Variants in FOXF2 observed in about 807,000 individuals in gnomAD.
The protein encoded by FOXF2 is forkhead box protein F2.
FOXF2 carries 15 observed loss-of-function variants against 29.1 expected under a neutral mutation model. The observed-to-expected ratio is 0.52, with a 90% CI of 0.35 to 0.79. FOXF2 has a LOEUF of 0.79. Ranked by LOEUF, FOXF2 falls within the 30% of genes least tolerant of loss-of-function variation. The probability of loss-of-function intolerance (pLI) is 0.01; values close to 1 mark genes in which losing one functional copy is unlikely to be tolerated. For synonymous variants in FOXF2, 337 were observed against 316.5 expected (o/e 1.06, Z -0.69); for missense variants, 675 against 667.1 (o/e 1.01, Z -0.13).
In FOXF2 at chr6:1,394,849, G is replaced by A; in HGVS notation, c.1325G>A (p.Cys442Tyr). ...HQSVCQDIKP[C>Y]VM ...AGCGTCTGTCAGGATATTAAGCCCT[G>A]CGTCATGTGAACGGAAAGAGGCCAA... The change falls in exon 2 of 2, where the codon TGC (cysteine) becomes TAC (tyrosine). Residue 442 changes from cysteine to tyrosine, a missense_variant. By Grantham distance (194) the Cys-to-Tyr change is radical. Around this residue, in one of 3 missense-constraint regions of FOXF2, gnomAD observed 451 missense variants for 437.2 expected, o/e 1.03. Coordinates refer to ENST00000645481, the MANE Select transcript of FOXF2 (RefSeq NM_001452.2). 6.2e-7 allele frequency: 1 copy of A among 1,614,118 alleles called. No homozygotes were observed. The highest frequency in any genetic ancestry group is 8.5e-7 in the Non-Finnish European group (1 of 1,180,022).
At chr6:1,392,176 G>A (rs1014094717) in intron 1 of FOXF2, among the ~76,000 whole-genome samples, 1 of 152,094 alleles carries the variant, frequency 6.6e-6, no homozygotes, top group South Asian at 2.1e-4. Context: ...GGGAGCACCC[G>A]GGGAGAAGGA....
chr6:1,392,012 G>A (rs148444036), intron 1 of FOXF2, among the ~76,000 whole-genome samples: 1 of 152,284 alleles, frequency 6.6e-6, no homozygotes, highest in African/African-American at 2.4e-5. Context: ...TTAACCCCTC[G>A]CTCGGAGCAC....
intron 1 of FOXF2, among the ~76,000 whole-genome samples, chr6:1,392,850 C>A (rs1232406899): frequency 6.6e-6 from 1 of 152,246 alleles, no homozygotes; most frequent in African/African-American, 2.4e-5. Flanking sequence ...GGGAGCCTCG[C>A]AGAACCCCCG....
At chr6:1,394,018 C>A (rs1442909450) in intron 1 of FOXF2, among the ~76,000 whole-genome samples, 1 of 152,226 alleles carries the variant, frequency 6.6e-6, no homozygotes, top group Non-Finnish European at 1.5e-5. Context: ...ATGCTTCGGA[C>A]CAAAGGGCAT....
chr6:1,392,900 C>T (rs1049816010), intron 1 of FOXF2, among the ~76,000 whole-genome samples: 14 of 152,232 alleles, frequency 9.2e-5, no homozygotes, highest in African/African-American at 3.1e-4. Flanking sequence ...ATAGCTCGGG[C>T]CTGACGCCCG....
At position 1,390,058 on chromosome 6, in the gene FOXF2, C is replaced by T. The variant is rs1295428499; in HGVS notation, c.111C>T (p.Ala37=). The change falls in exon 1 of 2, where the codon GCC becomes GCT. Residue 37 remains alanine, a synonymous_variant. Transcript: ENST00000645481. This position sits in a 1 kb window ranked among gnomAD's most constrained non-coding sequence, Gnocchi z 8.5. ...GCCCGCCGCCCGCCGCCGCCGCCGC[C>T]GCCGCCGCCGCCCCGGAGACCACCT... The part of the protein sequence containing the change: ...LMSPPPAAAA[A]AAAAPETTSS... The T allele has an allele frequency of 1.4e-6, 2 of 1,391,334 alleles. No homozygotes were observed. The highest frequency in any genetic ancestry group is 1.5e-5 in the African/African-American group (1 of 66,342). The allele number at this position is 1,391,334 out of a possible 1,614,324, so 86.2% of individuals were successfully genotyped here. A position where few individuals can be genotyped will look rare whatever the true frequency, so the allele number is the denominator to read the frequency against.
At chr6:1,393,848 A>G (rs573775767) in intron 1 of FOXF2, among the ~76,000 whole-genome samples, 169 of 152,288 alleles carry the variant, frequency 1.1e-3, no homozygotes, top group African/African-American at 3.8e-3. Context: ...CCCCGGGGCC[A>G]GGAGGCGCCG....
At chr6:1,393,892 G>A (rs1296921673) in intron 1 of FOXF2, among the ~76,000 whole-genome samples, 1 of 152,188 alleles carries the variant, frequency 6.6e-6, no homozygotes, top group Non-Finnish European at 1.5e-5. Flanking sequence ...GGCGGGTGGA[G>A]GTCAAGCGGC....
At chr6:1,393,046 G>T (rs553123637) in intron 1 of FOXF2, among the ~76,000 whole-genome samples, 1 of 152,214 alleles carries the variant, frequency 6.6e-6, no homozygotes. Flanking sequence ...CCGGGACCCC[G>T]CGGGGCCTAG....
At chr6:1,392,624 C>T (rs1758812556) in intron 1 of FOXF2, among the ~76,000 whole-genome samples, 2 of 151,712 alleles carry the variant, frequency 1.3e-5, no homozygotes. Context: ...CTTGGAGAAA[C>T]CGTACTCTAG....
intron 1 of FOXF2, among the ~76,000 whole-genome samples, chr6:1,392,880 G>A (rs1054339120): frequency 3.9e-5 from 6 of 152,174 alleles, no homozygotes; most frequent in Non-Finnish European, 8.8e-5. Context: ...GGGAACGCCC[G>A]GGGGAGACAA....
At position 1,394,699 on chromosome 6, in the gene FOXF2, G is replaced by A. The variant is rs781108073; in HGVS notation, c.1175G>A (p.Gly392Glu). The A allele has an allele frequency of 1.2e-6, 2 of 1,614,018 alleles. No homozygotes were observed. The highest frequency in any genetic ancestry group is 1.7e-6 in the Non-Finnish European group (2 of 1,180,000). Residue 392 changes from glycine to glutamate, a missense_variant, in exon 2 of 2, where the codon GGA (glycine) becomes GAA (glutamate). Transcript: ENST00000645481. ...HQNAREDLSV[G>E]LPRYQHHSTP... ...TTTTTTTTCTTTCTTCTTTCAGTGG[G>A]ACTGCCCCGTTACCAGCATCACTCT...
rs1323084891 is a variant in FOXF2 at position 1,391,033 on chromosome 6, C to T, written c.1086C>T (p.Ala362=). 1 of 1,600,660 alleles carries T rather than the reference C, an allele frequency of 6.2e-7. No homozygotes were observed. ...PPALTPSSNP[A]ASAGLHSSMS... is the part of the protein sequence containing the mutation. Reference sequence around the variant, plus strand: ...CCCTGACGCCCAGCAGCAACCCCGCCGCCTCGGCAGGCCTGCACTCCAGCA... The same window carrying T: ...CCCTGACGCCCAGCAGCAACCCCGCTGCCTCGGCAGGCCTGCACTCCAGCA... Residue 362 remains alanine (A), a synonymous_variant, in exon 1 of 2, where the codon GCC becomes GCT. Transcript: ENST00000645481.
At chr6:1,394,670 AG>A in intron 1 of FOXF2, 25 bp from the exon 2 acceptor site, 1 of 1,611,852 alleles carries the variant, frequency 6.2e-7, no homozygotes, top group Non-Finnish European at 8.5e-7. Context: ...GTTTCTGAAG[AG>A]GTTTTTTTTT....
intron 1 of FOXF2, among the ~76,000 whole-genome samples, chr6:1,393,003 C>A (rs74816969): frequency 0.046 from 7,039 of 152,308 alleles, 292 homozygotes; most frequent in African/African-American, 0.1. Flanking sequence ...GGAGCGCCAG[C>A]GGTGGAGGCT....
In FOXF2 at chr6:1,395,018, T is replaced by C. The variant is rs1758876104; in HGVS notation, c.*159T>C. 2.8e-6 allele frequency: 2 copies of C among 716,364 alleles called. No homozygotes were observed. The highest frequency in any genetic ancestry group is 3.4e-5 in the South Asian group (2 of 57,992). 44.4% of individuals were successfully genotyped at this position (716,364 alleles called of 1,614,324 possible). ...CAGGATCGCGTTGGTCACTGTTATT[T>C]GCCTACTGCTGGAAGAAGGACAACC... On this transcript the variant is annotated 3_prime_UTR_variant, in exon 2 of 2. Coordinates refer to ENST00000645481, the MANE Select transcript of FOXF2 (RefSeq NM_001452.2).
chr6:1,390,939 C>A lies in FOXF2; in HGVS notation c.992C>A (p.Ser331Ter). 1.3e-6 allele frequency: 2 copies of A among 1,584,410 alleles called. No individual in the cohort carries two copies. The highest frequency in any genetic ancestry group is 1.1e-5 in the South Asian group (1 of 88,396). ...PAMASAIECH[S>*]PYTSPAAHWS... ...ATGGCGAGCGCCATCGAATGCCACT[C>A]GCCCTACACGAGCCCTGCGGCGCAC... The change falls in exon 1 of 2, where the codon TCG (serine) becomes TAG (stop). Residue 331 changes from serine to a stop codon, truncating the protein, a stop_gained. Coordinates refer to ENST00000645481, the MANE Select transcript of FOXF2 (RefSeq NM_001452.2). LOFTEE classifies it high-confidence loss of function. This position sits in a 1 kb window ranked among gnomAD's most constrained non-coding sequence, Gnocchi z 8.5.
In FOXF2 at chr6:1,394,171, C is replaced by A. The variant is rs114967704; in HGVS notation, c.1172-525C>A. Among the ~76,000 whole-genome samples, 1,041 of 152,308 alleles carry A rather than the reference C, an allele frequency of 6.8e-3. 16 individuals carry two copies. The highest frequency in any genetic ancestry group is 0.024 in the African/African-American group (1,004 of 41,564). ...TTGCGATTGGGTTGTTTTCTATCGT[C>A]CCCTTTGGCACAGGGAGTCCTCTGC... On this transcript the variant is annotated intron_variant, in intron 1 of 1. Transcript: ENST00000645481.
intron 1 of FOXF2, 94 bp from the exon 2 acceptor site, chr6:1,394,602 C>T: frequency 8.2e-7 from 1 of 1,217,390 alleles, no homozygotes; most frequent in Non-Finnish European, 1.2e-6. Context: ...AAAGGCACAG[C>T]AGCACCTTTT....
Sources: allele counts gnomAD v4.1 joint callset (sites outside exome capture counted in the v4.1 genomes callset), GRCh38; gene constraint gnomAD v4.1.1; regional missense constraint gnomAD v4.1.1; non-coding constraint Gnocchi (gnomAD v3.1); transcripts MANE v1.5; gene names NCBI Gene and HGNC (gene_info 2026-07-23, HGNC 2026-07-21).